Variants in THSD7B observed in about 807,000 individuals in gnomAD.
THSD7B encodes thrombospondin type-1 domain-containing protein 7B.
In THSD7B, 138 loss-of-function variants were observed where a neutral mutation model predicts 213.6. That is an observed-to-expected ratio of 0.65 (90% CI 0.56 to 0.74). The LOEUF is 0.74. Among genes scored for constraint, THSD7B ranks in the 30% least tolerant of loss-of-function variants. The probability of loss-of-function intolerance (pLI) is 0.00; values close to 1 mark genes in which losing one functional copy is unlikely to be tolerated. For synonymous variants in THSD7B, 742 were observed against 687.0 expected (o/e 1.08, Z -1.25); for missense variants, 1,931 against 1,991.5 (o/e 0.97, Z 0.58).
At chr2:137,449,370 T>A (rs1363435741) in intron 14 of THSD7B, among the ~76,000 whole-genome samples, 1 of 152,190 alleles carries the variant, frequency 6.6e-6, no homozygotes, top group Non-Finnish European at 1.5e-5. Flanking sequence ...CATTGTTGCA[T>A]AAAAAAATAC....
chr2:137,401,541 A>G (rs1686361054), intron 12 of THSD7B, among the ~76,000 whole-genome samples: 1 of 152,040 alleles, frequency 6.6e-6, no homozygotes, highest in African/African-American at 2.4e-5. Context: ...TTGAAAATAA[A>G]TTAGAATTCT....
intron 2 of THSD7B, among the ~76,000 whole-genome samples, chr2:136,989,513 A>G (rs928738372): frequency 3.3e-5 from 5 of 152,140 alleles, no homozygotes; most frequent in African/African-American, 1.2e-4. Context: ...AGGCCTCAAC[A>G]GAAGTTGAGC....
chr2:137,541,108 G>A (rs954212957), intron 15 of THSD7B, among the ~76,000 whole-genome samples: 1 of 151,692 alleles, frequency 6.6e-6, no homozygotes, highest in Non-Finnish European at 1.5e-5. Context: ...ATCTTTGTCA[G>A]ATCATAACAC....
intron 15 of THSD7B, among the ~76,000 whole-genome samples, chr2:137,476,427 C>A (rs1318063852): frequency 6.6e-6 from 1 of 151,884 alleles, no homozygotes; most frequent in African/African-American, 2.4e-5. Context: ...CCTATCTTTT[C>A]TCATAGTGGT....
Position 136,895,514 on chromosome 2 carries a change from CTTTT to C in THSD7B, c.139+13220_139+13223del, listed in dbSNP as rs71301798. 5.4e-3 allele frequency among the ~76,000 whole-genome samples: 399 copies of C among 73,920 alleles called. 3 individuals are homozygous for C. Among genetic ancestry groups the C allele is most frequent in the African/African-American group, 0.019 (377 of 20,322 alleles). The allele number at this position is 73,920 out of a possible 152,430, so 48.5% of individuals were successfully genotyped here. On this transcript the variant is annotated intron_variant, in intron 2 of 27. Transcript: ENST00000409968. ...ACCAATGTTTTATGCCAAGTGGAGA[CTTTT>C]TTTTTTTTTTTTTTTTTTTTTTACA...
intron 12 of THSD7B, among the ~76,000 whole-genome samples, chr2:137,308,753 ATTTAT>A (rs1683818034): frequency 6.6e-6 from 1 of 152,116 alleles, no homozygotes; most frequent in Non-Finnish European, 1.5e-5. Context: ...AGAAACCACT[ATTTAT>A]TTTGATATTT....
chr2:137,317,071 A>G (rs1280495850), intron 12 of THSD7B, among the ~76,000 whole-genome samples: 2 of 152,226 alleles, frequency 1.3e-5, no homozygotes, highest in African/African-American at 4.8e-5. Flanking sequence ...CATTAAACTG[A>G]TCCATGAAAT....
intron 12 of THSD7B, among the ~76,000 whole-genome samples, chr2:137,361,676 T>G (rs1251413883): frequency 6.6e-6 from 1 of 151,960 alleles, no homozygotes; most frequent in Non-Finnish European, 1.5e-5. Context: ...GAAGAGAAGT[T>G]TAAAGTAAAA....
At chr2:137,398,811 G>A (rs1169669461) in intron 12 of THSD7B, among the ~76,000 whole-genome samples, 3 of 152,186 alleles carry the variant, frequency 2.0e-5, no homozygotes, top group Non-Finnish European at 4.4e-5. Flanking sequence ...CTAGCAATCA[G>A]CGAGATTCCG....
At chr2:137,271,473 T>A (rs1447709111) in intron 10 of THSD7B, among the ~76,000 whole-genome samples, 24 of 145,520 alleles carry the variant, frequency 1.6e-4, no homozygotes, top group African/African-American at 6.0e-4. Flanking sequence ...ATATAATATA[T>A]AATATAAAAT....
intron 17 of THSD7B, among the ~76,000 whole-genome samples, chr2:137,587,440 C>T (rs1681760425): frequency 6.6e-6 from 1 of 152,132 alleles, no homozygotes; most frequent in Non-Finnish European, 1.5e-5. Context: ...AGCTTTTCTG[C>T]TCTGTTTTTT....
intron 1 of THSD7B, among the ~76,000 whole-genome samples, chr2:136,850,737 T>C (rs1408007156): frequency 6.6e-6 from 1 of 152,034 alleles, no homozygotes; most frequent in Non-Finnish European, 1.5e-5. Flanking sequence ...TTATAGCTAA[T>C]ATTTAATTAT....
intron 12 of THSD7B, among the ~76,000 whole-genome samples, chr2:137,328,271 GCAACAA>G (rs775252009): frequency 6.6e-6 from 1 of 151,968 alleles, no homozygotes; most frequent in Non-Finnish European, 1.5e-5. Context: ...GGCAGAAACA[GCAACAA>G]CAACAACAAC....
chr2:137,160,760 A>C (rs779535173), intron 6 of THSD7B, among the ~76,000 whole-genome samples: 1 of 152,120 alleles, frequency 6.6e-6, no homozygotes, highest in East Asian at 1.9e-4. Context: ...AGTAGCTGGG[A>C]TTACAGGTGC....
At chr2:136,914,786 A>G (rs1474926986) in intron 2 of THSD7B, among the ~76,000 whole-genome samples, 1 of 152,066 alleles carries the variant, frequency 6.6e-6, no homozygotes, top group Non-Finnish European at 1.5e-5. Context: ...AGTCTTGGGT[A>G]TATCTTTATC....
chr2:137,469,480 T>C (rs1360844271), intron 15 of THSD7B, among the ~76,000 whole-genome samples: 5 of 152,198 alleles, frequency 3.3e-5, no homozygotes, highest in Non-Finnish European at 7.3e-5. Context: ...TTATATAATT[T>C]ATATCATTTA....
chr2:137,451,974 A>G (rs1294372560), intron 15 of THSD7B: 1 of 627,092 alleles, frequency 1.6e-6, no homozygotes, highest in Non-Finnish European at 2.0e-6. Context: ...GCCTCTATAC[A>G]TGCTGTTTAA....
chr2:137,193,665 G>A (rs1240946791), intron 7 of THSD7B, among the ~76,000 whole-genome samples: 2 of 152,102 alleles, frequency 1.3e-5, no homozygotes, highest in Non-Finnish European at 2.9e-5. Context: ...CATGCTCAGT[G>A]ATGAGCATGT....
intron 1 of THSD7B, among the ~76,000 whole-genome samples, chr2:136,803,430 G>A (rs1321163327): frequency 6.6e-6 from 1 of 152,132 alleles, no homozygotes; most frequent in Non-Finnish European, 1.5e-5. Context: ...CTAAATATCT[G>A]TCTGCACTAA....
Sources: gnomAD v4.1 joint callset for allele counts (sites outside exome capture counted in the v4.1 genomes callset) on GRCh38, gnomAD v4.1.1 for gene constraint, MANE v1.5 for transcripts, NCBI Gene and HGNC (gene_info 2026-07-23, HGNC 2026-07-21) for gene names.